Variants in NAV2 observed in about 807,000 individuals in gnomAD.
NAV2 encodes the protein helicase, APC down-regulated 1.
Under a neutral mutation model 223.2 loss-of-function variants are expected in NAV2, and 54 were observed. The ratio of observed to expected loss-of-function variants is 0.24; its 90% CI spans 0.19 to 0.30. The LOEUF (loss-of-function observed/expected upper bound fraction) is 0.30. Ranked by LOEUF, NAV2 falls within the 10% of genes least tolerant of loss-of-function variation. NAV2 has a pLI of 1.00. For synonymous variants in NAV2, 1,279 were observed against 1,239.3 expected, an observed-to-expected ratio of 1.03 and a Z score of -0.67; for missense variants, 2,806 against 3,147.5, an observed-to-expected ratio of 0.89 and a Z score of 2.60.
chr11:19,374,967 G>C (rs1329035435), intron 1 of NAV2, among the ~76,000 whole-genome samples: 3 of 152,120 alleles, frequency 2.0e-5, no homozygotes, highest in Non-Finnish European at 4.4e-5. Flanking sequence ...TATCCCTTCT[G>C]ATCGGATACT....
At chr11:20,016,409 GA>G (rs1372474366) in intron 11 of NAV2, among the ~76,000 whole-genome samples, 1 of 152,254 alleles carries the variant, frequency 6.6e-6, no homozygotes, top group Non-Finnish European at 1.5e-5. Context: ...CCTGCTGAAT[GA>G]AATCTTTTGT....
chr11:19,629,419 A>C (rs1316429544), intron 1 of NAV2, among the ~76,000 whole-genome samples: 1 of 152,068 alleles, frequency 6.6e-6, no homozygotes, highest in Non-Finnish European at 1.5e-5. Flanking sequence ...CTCTCTCCTA[A>C]AAGGCAGAAG....
At chr11:19,837,098 T>C (rs890398191) in intron 2 of NAV2, among the ~76,000 whole-genome samples, 1 of 152,158 alleles carries the variant, frequency 6.6e-6, no homozygotes, top group East Asian at 1.9e-4. Context: ...TATTAAGTCC[T>C]CCCCTTGGTA....
At chr11:19,711,177 T>A (rs2049855169), upstream of NAV2, 1 of 152,240 alleles carries the variant, frequency 6.6e-6, no homozygotes, top group Non-Finnish European at 1.5e-5. Context: ...CTAGAATGGC[T>A]AAGAAGGTGC....
chr11:19,959,364 G>A (rs1388825555), intron 10 of NAV2, among the ~76,000 whole-genome samples: 1 of 152,168 alleles, frequency 6.6e-6, no homozygotes, highest in African/African-American at 2.4e-5. Flanking sequence ...GGCAGATGGT[G>A]GTGAATGTTA....
chr11:19,469,376 A>G lies in NAV2; in HGVS notation c.75+118349A>G, dbSNP rs962685231. On this transcript the variant is annotated intron_variant, in intron 1 of 37. Coordinates refer to the NAV2 transcript ENST00000360655. ...AGAGGTGGAGAATAGCAAGGGGCTT[A>G]TAAGTTTGGCCTCTATGTTCCAGAG... is the stretch of plus-strand genomic sequence containing the variant. Among the ~76,000 whole-genome samples the G allele has an allele frequency of 2.8e-4, 42 of 152,224 alleles. 1 individual carries two copies. Among genetic ancestry groups the G allele is most frequent in the African/African-American group, 1.0e-3 (42 of 41,456 alleles).
chr11:19,712,645 C>A (rs1450851843), upstream of NAV2: 2 of 151,484 alleles, frequency 1.3e-5, no homozygotes, highest in African/African-American at 2.4e-5. Flanking sequence ...GGGGCAGTGC[C>A]GCAAAGCGGC....
chr11:19,808,750 G>A (rs4757013), intron 1 of NAV2, among the ~76,000 whole-genome samples: 141,568 of 152,266 alleles, frequency 0.93, 66,712 homozygotes, highest in East Asian at 1. Flanking sequence ...TATGTTTCCA[G>A]TCATATGGGG....
chr11:19,806,832 T>A (rs977493391), intron 1 of NAV2, among the ~76,000 whole-genome samples: 1 of 152,228 alleles, frequency 6.6e-6, no homozygotes, highest in African/African-American at 2.4e-5. Flanking sequence ...TGGGTGTCAG[T>A]GAAATGCCCC....
intron 1 of NAV2, among the ~76,000 whole-genome samples, chr11:19,531,251 T>C (rs1002959576): frequency 6.6e-6 from 1 of 152,172 alleles, no homozygotes; most frequent in African/African-American, 2.4e-5. Flanking sequence ...GAAATATATG[T>C]AATAGCACCT....
intron 6 of NAV2, among the ~76,000 whole-genome samples, chr11:19,912,342 C>A (rs1225115442): frequency 6.6e-6 from 1 of 152,212 alleles, no homozygotes; most frequent in African/African-American, 2.4e-5. Flanking sequence ...CAAACACCCA[C>A]AGCTTTGAGC....
At chr11:19,459,305 T>G (rs1852071434) in intron 1 of NAV2, among the ~76,000 whole-genome samples, 1 of 152,210 alleles carries the variant, frequency 6.6e-6, no homozygotes, top group African/African-American at 2.4e-5. Context: ...TGAGCTATGT[T>G]CTTAGATACT....
chr11:19,921,871 G>T (rs561952757), intron 6 of NAV2, among the ~76,000 whole-genome samples: 93 of 152,318 alleles, frequency 6.1e-4, no homozygotes, highest in African/African-American at 1.5e-3. Flanking sequence ...CAAAGGGCAT[G>T]CTCTGTAAAT....
chr11:19,720,825 C>T (rs2050693262), intron 1 of NAV2, among the ~76,000 whole-genome samples: 1 of 152,204 alleles, frequency 6.6e-6, no homozygotes, highest in Non-Finnish European at 1.5e-5. Flanking sequence ...AACTTTGGTT[C>T]TAATTCTGTC....
intron 1 of NAV2, among the ~76,000 whole-genome samples, chr11:19,514,769 G>A (rs966926780): frequency 3.3e-5 from 5 of 152,302 alleles, no homozygotes; most frequent in Admixed American, 2.0e-4. Flanking sequence ...CGCAGCAGCT[G>A]CTCCTTCAAA....
intron 1 of NAV2, among the ~76,000 whole-genome samples, chr11:19,768,864 G>T (rs2055460891): frequency 6.6e-6 from 1 of 152,190 alleles, no homozygotes; most frequent in Non-Finnish European, 1.5e-5. Context: ...TTTATATAAA[G>T]CACTTAGATA....
chr11:19,448,141 G>T (rs1251583851), intron 1 of NAV2, among the ~76,000 whole-genome samples: 2 of 151,926 alleles, frequency 1.3e-5, no homozygotes, highest in Non-Finnish European at 2.9e-5. Context: ...ACCCCACCCT[G>T]TGCCCCTACC....
At chr11:19,924,300 A>G (rs1048348740) in intron 6 of NAV2, among the ~76,000 whole-genome samples, 1 of 152,148 alleles carries the variant, frequency 6.6e-6, no homozygotes, top group Admixed American at 6.5e-5. Flanking sequence ...TTCTTTAAAA[A>G]AAAAAAAAAA....
intron 1 of NAV2, among the ~76,000 whole-genome samples, chr11:19,742,862 G>A (rs1255615423): frequency 6.6e-6 from 1 of 152,238 alleles, no homozygotes; most frequent in Non-Finnish European, 1.5e-5. Context: ...TTTGGTGGCT[G>A]TCCTGGCAAG....
Sources: gnomAD v4.1 joint callset for allele counts (sites outside exome capture counted in the v4.1 genomes callset) on GRCh38, gnomAD v4.1.1 for gene constraint, MANE v1.5 for transcripts, NCBI Gene and HGNC (gene_info 2026-07-23, HGNC 2026-07-21) for gene names.